The following MAML2 variants were observed in gnomAD, a reference collection of about 807,000 sequenced individuals.
MAML2 encodes mastermind like transcriptional coactivator 2.
MAML2 carries 22 observed loss-of-function variants against 96.1 expected under a neutral mutation model. The observed-to-expected ratio is 0.23, with a 90% CI of 0.16 to 0.33. MAML2 has a LOEUF of 0.33. Ranked by LOEUF, MAML2 falls within the 10% of genes least tolerant of loss-of-function variation. The pLI, the probability that MAML2 is intolerant of heterozygous loss-of-function variation, is 1.00. For synonymous variants in MAML2, 561 were observed against 521.3 expected, an observed-to-expected ratio of 1.08 and a Z score of -1.04; for missense variants, 1,367 against 1,392.4, an observed-to-expected ratio of 0.98 and a Z score of 0.29.
intron 2 of MAML2, among the ~76,000 whole-genome samples, chr11:96,002,889 GGATGATGGGGATGATGAGAAA>G (rs1565186542): frequency 3.1e-5 from 4 of 128,514 alleles, no homozygotes. Context: ...ATGATGAGGA[GGATGATGGGGATGATGAGAAA>G]GATGATGGGG....
intron 2 of MAML2, among the ~76,000 whole-genome samples, chr11:96,066,583 C>T (rs561133012): frequency 2.7e-4 from 41 of 152,218 alleles, no homozygotes; most frequent in Admixed American, 5.9e-4. Context: ...TAAAGTGAGA[C>T]CAGAGTCCAT....
chr11:96,251,118 C>T (rs1029791710), intron 1 of MAML2, among the ~76,000 whole-genome samples: 5 of 152,212 alleles, frequency 3.3e-5, no homozygotes, highest in African/African-American at 4.8e-5. Flanking sequence ...GTTTCCACCC[C>T]GCCATCCCTC....
chr11:96,333,480 T>C (rs768607615), intron 1 of MAML2, among the ~76,000 whole-genome samples: 4 of 152,230 alleles, frequency 2.6e-5, no homozygotes, highest in Non-Finnish European at 5.9e-5. Context: ...TGTCACTTCA[T>C]AGAAACACCA....
At chr11:96,196,868 A>G (rs1045153260) in intron 1 of MAML2, among the ~76,000 whole-genome samples, 3 of 140,158 alleles carry the variant, frequency 2.1e-5, no homozygotes, top group African/African-American at 5.4e-5. Flanking sequence ...TTCTCCCCCA[A>G]CCACCCTCGG....
intron 1 of MAML2, among the ~76,000 whole-genome samples, chr11:96,295,196 C>T (rs1288666141): frequency 2.0e-5 from 3 of 152,092 alleles, no homozygotes; most frequent in African/African-American, 7.2e-5. Flanking sequence ...TACTAATTCA[C>T]TTTTGCAATG....
intron 1 of MAML2, among the ~76,000 whole-genome samples, chr11:96,247,593 C>A (rs1862528581): frequency 6.6e-6 from 1 of 152,176 alleles, no homozygotes; most frequent in Non-Finnish European, 1.5e-5. Flanking sequence ...CCTGTCCCTG[C>A]TAGGCAGAAG....
At chr11:96,061,433 T>C (rs747724898) in intron 2 of MAML2, among the ~76,000 whole-genome samples, 52 of 152,190 alleles carry the variant, frequency 3.4e-4, no homozygotes, top group Non-Finnish European at 6.5e-4. Flanking sequence ...CAGGTTCCTT[T>C]TTCTGAACAA....
At chr11:96,011,258 C>T (rs1449513440) in intron 2 of MAML2, among the ~76,000 whole-genome samples, 1 of 152,110 alleles carries the variant, frequency 6.6e-6, no homozygotes, top group Non-Finnish European at 1.5e-5. Flanking sequence ...TACCAAAAAG[C>T]CACCTGCACT....
intron 1 of MAML2, among the ~76,000 whole-genome samples, chr11:96,253,097 A>T (rs1239301733): frequency 1.3e-5 from 2 of 152,238 alleles, no homozygotes; most frequent in Admixed American, 6.5e-5. Flanking sequence ...GGCTCTGCAT[A>T]TAGTAGAGCC....
intron 1 of MAML2, among the ~76,000 whole-genome samples, chr11:96,218,149 T>C (rs951999061): frequency 9.9e-5 from 15 of 152,192 alleles, no homozygotes; most frequent in Admixed American, 7.9e-4. Flanking sequence ...CTTTGAAAAA[T>C]GCACTAGAAA....
chr11:96,177,792 G>A (rs118073706), intron 1 of MAML2, among the ~76,000 whole-genome samples: 2,963 of 152,248 alleles, frequency 0.019, 44 homozygotes, highest in Non-Finnish European at 0.027. Flanking sequence ...AGAGAAGTGA[G>A]CATTTGAGAG....
intron 1 of MAML2, among the ~76,000 whole-genome samples, chr11:96,290,239 A>C (rs1420446206): frequency 6.6e-6 from 1 of 152,204 alleles, no homozygotes; most frequent in East Asian, 1.9e-4. Flanking sequence ...ACTCTAACAG[A>C]GATACAGTTA....
At chr11:96,335,001 G>T (rs1464252149) in intron 1 of MAML2, among the ~76,000 whole-genome samples, 1 of 152,194 alleles carries the variant, frequency 6.6e-6, no homozygotes, top group Non-Finnish European at 1.5e-5. Flanking sequence ...TGTAGGCCAA[G>T]GTTGAAGCTA....
intron 1 of MAML2, among the ~76,000 whole-genome samples, chr11:96,099,590 G>A (rs1027010337): frequency 6.6e-6 from 1 of 152,102 alleles, no homozygotes; most frequent in Non-Finnish European, 1.5e-5. Context: ...ACAATGCTGG[G>A]CATATTCTAG....
At position 96,336,252 on chromosome 11, in the gene MAML2, C is replaced by T. The variant is rs191721568; in HGVS notation, c.513+5131G>A. Among the ~76,000 whole-genome samples the T allele has an allele frequency of 4.3e-4, 66 of 152,200 alleles. No homozygotes were observed. In the East Asian group the frequency reaches 0.012, roughly 27 times the overall value. ...TAAAATGGGACAAATGTTGATTACTCACCTGTTTTTTGCAGGCCTTACATA... is the reference window on the plus strand; with the variant it reads ...TAAAATGGGACAAATGTTGATTACTTACCTGTTTTTTGCAGGCCTTACATA... On this transcript the variant is annotated intron_variant, in intron 1 of 4. Transcript: ENST00000524717.
intron 1 of MAML2, among the ~76,000 whole-genome samples, chr11:96,336,352 A>G (rs1183225192): frequency 3.9e-5 from 6 of 152,110 alleles, no homozygotes; most frequent in Non-Finnish European, 7.4e-5. Context: ...TGATTTTTCT[A>G]TATCAGTTTT....
At chr11:96,032,178 T>C (rs1858626558) in intron 2 of MAML2, among the ~76,000 whole-genome samples, 1 of 151,890 alleles carries the variant, frequency 6.6e-6, no homozygotes, top group Non-Finnish European at 1.5e-5. Context: ...CCAGACAGGA[T>C]AGCAAAGTGG....
intron 1 of MAML2, among the ~76,000 whole-genome samples, chr11:96,146,085 A>G (rs984312495): frequency 6.6e-6 from 1 of 152,236 alleles, no homozygotes; most frequent in African/African-American, 2.4e-5. Flanking sequence ...CACATAAAAT[A>G]TGGATGATTT....
At chr11:96,110,781 T>C (rs1410620981) in intron 1 of MAML2, among the ~76,000 whole-genome samples, 1 of 152,114 alleles carries the variant, frequency 6.6e-6, no homozygotes, top group Non-Finnish European at 1.5e-5. Flanking sequence ...TGAATGAAAA[T>C]TTTGGCAGCA....
Sources: gnomAD v4.1 joint callset for allele counts (sites outside exome capture counted in the v4.1 genomes callset) on GRCh38, gnomAD v4.1.1 for gene constraint, MANE v1.5 for transcripts, NCBI Gene and HGNC (gene_info 2026-07-23, HGNC 2026-07-21) for gene names.